NCAPH: variants seen among roughly 807,000 people sequenced by gnomAD.
The protein encoded by NCAPH is non-SMC condensin I complex subunit H.
Under a neutral mutation model 85.5 loss-of-function variants are expected in NCAPH, and 38 were observed. The ratio of observed to expected loss-of-function variants is 0.44; its 90% CI spans 0.34 to 0.58. The LOEUF is 0.58. Among genes scored for constraint, NCAPH ranks in the 20% least tolerant of loss-of-function variants. The probability of loss-of-function intolerance (pLI) is 0.01; values close to 1 mark genes in which losing one functional copy is unlikely to be tolerated. For synonymous variants in NCAPH, 301 were observed against 335.1 expected, an observed-to-expected ratio of 0.90 and a Z score of 1.11; for missense variants, 789 against 916.6, an observed-to-expected ratio of 0.86 and a Z score of 1.80.
chr2:96,355,636 T>C lies in NCAPH; in HGVS notation c.1208+1248T>C, dbSNP rs1000146685. ...TCTCATCGTGTCTTTTTTGTTTTTA[T>C]GTTTTTTTGTTTTTTTTTTTTTTGA... On this transcript the variant is annotated intron_variant, in intron 9 of 17. Coordinates refer to ENST00000240423, the MANE Select transcript of NCAPH (RefSeq NM_015341.5). Among the ~76,000 whole-genome samples, 15 of 151,594 alleles carry C rather than the reference T, an allele frequency of 9.9e-5. No individual in the cohort carries two copies. In the South Asian group the frequency reaches 3.1e-3, roughly 32 times the overall value.
chr2:96,351,921 A>G lies in NCAPH; in HGVS notation c.811A>G (p.Arg271Gly). ...GTCCACTCTCCACTGCCAGGACTACAGAAGTGAACTGCTGTTTCCCTCTGA... is the reference window on the plus strand; with the variant it reads ...GTCCACTCTCCACTGCCAGGACTACGGAAGTGAACTGCTGTTTCCCTCTGA... ...FLSTLHCQDY[R>G]SELLFPSDVQ... Residue 271 changes from arginine to glycine, a missense_variant, in exon 7 of 18, where the codon AGA becomes GGA. Arg to Gly is a moderately radical substitution (Grantham distance 125). Transcript: ENST00000240423. The G allele has an allele frequency of 1.2e-6, 2 of 1,614,140 alleles. No homozygotes were observed. Among genetic ancestry groups the G allele is most frequent in the Non-Finnish European group, 1.7e-6 (2 of 1,179,982 alleles).
Position 96,367,452 on chromosome 2 carries a change from G to T in NCAPH, c.1998+79G>T, listed in dbSNP as rs555721918. The T allele has an allele frequency of 1.9e-5, 19 of 1,018,058 alleles. No individual in the cohort carries two copies. In the South Asian group the frequency reaches 2.4e-4, roughly 13 times the overall value. 63.1% of individuals were successfully genotyped at this position (1,018,058 alleles called of 1,614,324 possible). On this transcript the variant is annotated intron_variant, in intron 15 of 17. Coordinates refer to ENST00000240423, the MANE Select transcript of NCAPH (RefSeq NM_015341.5). ...TGATGTCTACAGCTGAAGACACCTCGATTTGGGCAATGCCTCCAATACAGA... is the reference window on the plus strand; with the variant it reads ...TGATGTCTACAGCTGAAGACACCTCTATTTGGGCAATGCCTCCAATACAGA...
chr2:96,339,013 G>A (rs571017503), intron 1 of NCAPH, among the ~76,000 whole-genome samples: 40 of 152,038 alleles, frequency 2.6e-4, no homozygotes, highest in Non-Finnish European at 3.5e-4. Context: ...GGGTTTCACC[G>A]TGTTGGCCAG....
At position 96,373,394 on chromosome 2, in the gene NCAPH, T is replaced by A; in HGVS notation, c.*43T>A. 1 of 1,583,342 alleles carries A rather than the reference T, an allele frequency of 6.3e-7. No individual in the cohort carries two copies. On this transcript the variant is annotated 3_prime_UTR_variant, in exon 18 of 18. Transcript: ENST00000240423. ...CAGCAGCAGGAGGCCCATCCCTTACTCAGTTGCCGGGACATCCCCAGTCTC... is the reference window on the plus strand; with the variant it reads ...CAGCAGCAGGAGGCCCATCCCTTACACAGTTGCCGGGACATCCCCAGTCTC...
chr2:96,361,822 A>G (rs926596526), intron 12 of NCAPH, among the ~76,000 whole-genome samples: 1 of 109,838 alleles, frequency 9.1e-6, no homozygotes, highest in African/African-American at 3.3e-5. Context: ...ATATATATAT[A>G]TATATATTTT....
chr2:96,352,324 C>T (rs2064456240), intron 7 of NCAPH, among the ~76,000 whole-genome samples: 1 of 152,172 alleles, frequency 6.6e-6, no homozygotes, highest in Non-Finnish European at 1.5e-5. Flanking sequence ...TGGGTTCCTC[C>T]TGGAGTGTCA....
At chr2:96,370,997 TGGGAG>T in intron 17 of NCAPH, among the ~76,000 whole-genome samples, 1 of 152,336 alleles carries the variant, frequency 6.6e-6, no homozygotes, top group South Asian at 2.1e-4. Flanking sequence ...CCCGTGGTTA[TGGGAG>T]GTGGTAGTTC....
rs2104522755 is a variant in NCAPH at position 96,376,222 on chromosome 2, C to T, written c.*2871C>T. On this transcript the variant is annotated 3_prime_UTR_variant, in exon 18 of 18. Coordinates refer to ENST00000240423, the MANE Select transcript of NCAPH (RefSeq NM_015341.5). ...TGAAGTTTTAACATTCTCTGCCAAA[C>T]AGAACCAGAATTTAAGGGCAGGAGA... 6.6e-6 allele frequency among the ~76,000 whole-genome samples: 1 copy of T among 152,268 alleles called. No individual in the cohort carries two copies. The highest frequency in any genetic ancestry group is 1.9e-4 in the East Asian group (1 of 5,190).
Position 96,376,524 on chromosome 2 carries a change from G to C in NCAPH, c.*3173G>C, listed in dbSNP as rs2064833516. Among the ~76,000 whole-genome samples the C allele has an allele frequency of 6.6e-6, 1 of 152,222 alleles. No individual in the cohort carries two copies. The highest frequency in any genetic ancestry group is 1.5e-5 in the Non-Finnish European group (1 of 68,036). The stretch of plus-strand genomic sequence containing the variant: ...GTATGATCCCCCTGGGGAGCAAAAG[G>C]CTGCAGGTAACACTTTGGTGCCCTA... On this transcript the variant is annotated 3_prime_UTR_variant, in exon 18 of 18. Coordinates refer to ENST00000240423, the MANE Select transcript of NCAPH (RefSeq NM_015341.5).
At chr2:96,354,119 C>T (rs1351288967) in intron 8 of NCAPH, 64 bp from the exon 9 acceptor site, 2 of 1,496,876 alleles carry the variant, frequency 1.3e-6, no homozygotes, top group Non-Finnish European at 1.8e-6. Flanking sequence ...AAGGCTGTCC[C>T]TCCAGTGGTG....
At chr2:96,341,198 T>C (rs1011603402) in intron 1 of NCAPH, among the ~76,000 whole-genome samples, 1 of 152,204 alleles carries the variant, frequency 6.6e-6, no homozygotes, top group African/African-American at 2.4e-5. Context: ...TTTTCCTCTG[T>C]CTGTTTGCCA....
chr2:96,344,253 G>T (rs771877475), intron 6 of NCAPH, 24 bp downstream of exon 6: 1 of 1,584,654 alleles, frequency 6.3e-7, no homozygotes, highest in Non-Finnish European at 8.6e-7. Context: ...TGCGCAGTGT[G>T]GTTTCTGACT....
At chr2:96,348,872 A>G (rs1290823771) in intron 6 of NCAPH, among the ~76,000 whole-genome samples, 1 of 150,688 alleles carries the variant, frequency 6.6e-6, no homozygotes, top group African/African-American at 2.4e-5. Context: ...CTAGTCTCGA[A>G]CTCCTGATCT....
At chr2:96,367,097 A>AAAAC (rs542647359) in intron 14 of NCAPH, among the ~76,000 whole-genome samples, 160 bp from the exon 15 acceptor site, 18 of 152,212 alleles carry the variant, frequency 1.2e-4, no homozygotes, top group East Asian at 7.7e-4. Flanking sequence ...ACTCTGTCTC[A>AAAAC]AAACAAACAA....
At chr2:96,356,793 G>A (rs540170345) in intron 9 of NCAPH, among the ~76,000 whole-genome samples, 1 of 152,330 alleles carries the variant, frequency 6.6e-6, no homozygotes, top group African/African-American at 2.4e-5. Flanking sequence ...GGTCTTCGGA[G>A]GCCTCTGGAT....
chr2:96,361,236 G>A (rs961370803), intron 12 of NCAPH, among the ~76,000 whole-genome samples: 2 of 151,486 alleles, frequency 1.3e-5, no homozygotes, highest in Non-Finnish European at 2.9e-5. Context: ...TTTTAACAGG[G>A]ACAGGGTTTC....
chr2:96,358,859 T>C (rs1394960460), intron 9 of NCAPH, among the ~76,000 whole-genome samples, 186 bp from the exon 10 acceptor site: 1 of 152,160 alleles, frequency 6.6e-6, no homozygotes, highest in African/African-American at 2.4e-5. Flanking sequence ...AGTACTTGTA[T>C]AGATATGATT....
chr2:96,363,231 T>G (rs1409824516), intron 12 of NCAPH, among the ~76,000 whole-genome samples: 2 of 152,242 alleles, frequency 1.3e-5, no homozygotes, highest in Non-Finnish European at 2.9e-5. Flanking sequence ...AAATTGTTTT[T>G]TAGACATATA....
rs2064689809 is a variant in NCAPH, at chr2:96,365,819, G to A, written c.1699-57G>A. 4 of 1,546,094 alleles carry A rather than the reference G, an allele frequency of 2.6e-6. No individual in the cohort carries two copies. The African/African-American group carries it at 4.1e-5, about 16-fold the overall frequency. On this transcript the variant is annotated intron_variant, in intron 13 of 17. Coordinates refer to ENST00000240423, the MANE Select transcript of NCAPH (RefSeq NM_015341.5). ...TGTAAACATGGAGTCTATTTCAAGG[G>A]TGTTTCTGAGCTCCTCTGCAGCGTC...
Sources: gnomAD v4.1 joint callset for allele counts (sites outside exome capture counted in the v4.1 genomes callset) on GRCh38, gnomAD v4.1.1 for gene constraint, MANE v1.5 for transcripts, NCBI Gene and HGNC (gene_info 2026-07-23, HGNC 2026-07-21) for gene names.